CDC23: variants seen among roughly 807,000 people sequenced by gnomAD.
CDC23 encodes cell division cycle protein 23 homolog.
Under a neutral mutation model 81.7 loss-of-function variants are expected in CDC23, and 26 were observed. The observed-to-expected ratio is 0.32, with a 90% confidence interval of 0.23 to 0.44. CDC23 has a LOEUF of 0.44. Ranked by LOEUF, CDC23 falls within the 20% of genes least tolerant of loss-of-function variation. The pLI, the probability that CDC23 is intolerant of heterozygous loss-of-function variation, is 1.00. For synonymous variants in CDC23, 267 were observed against 270.8 expected (o/e 0.99, Z 0.14); for missense variants, 519 against 728.0 (o/e 0.71, Z 3.30).
At chr5:138,198,171 TA>T (rs1561635125) in intron 9 of CDC23, 27 bp downstream of exon 9, 1 of 1,501,892 alleles carries the variant, frequency 6.7e-7, no homozygotes, top group Admixed American at 1.7e-5. Context: ...ATATAAATCT[TA>T]AAAGAAAAAA....
chr5:138,193,091 G>A (rs1158968276), intron 9 of CDC23, among the ~76,000 whole-genome samples: 1 of 152,094 alleles, frequency 6.6e-6, no homozygotes, highest in Non-Finnish European at 1.5e-5. Context: ...CACCAAGCCG[G>A]GGTAATTTTT....
Position 138,195,575 on chromosome 5 carries a change from TAA to T in CDC23, c.1012+2622_1012+2623del, listed in dbSNP as rs1561633934. ...TAATTATATATAATATATTTATATA[TAA>T]TATATTATATATAATATATATTATA... is the stretch of plus-strand genomic sequence containing the variant. On this transcript the variant is annotated intron_variant, in intron 9 of 15. Transcript: ENST00000394886. Among the ~76,000 whole-genome samples, 17 of 59,670 alleles carry T rather than the reference TAA, an allele frequency of 2.8e-4. No homozygotes were observed. In the East Asian group the frequency reaches 6.9e-3, roughly 24 times the overall value. 39.1% of individuals were successfully genotyped at this position (59,670 alleles called of 152,430 possible).
chr5:138,203,123 G>A (rs1755007048), intron 3 of CDC23, among the ~76,000 whole-genome samples: 1 of 152,074 alleles, frequency 6.6e-6, no homozygotes, highest in Admixed American at 6.6e-5. Flanking sequence ...TTAACAAAAG[G>A]GAAAGATTCA....
At chr5:138,200,481 T>A (rs1754974990) in intron 6 of CDC23, among the ~76,000 whole-genome samples, 1 of 152,042 alleles carries the variant, frequency 6.6e-6, no homozygotes, top group African/African-American at 2.4e-5. Context: ...TCCTATAGCA[T>A]CTTTGGGATT....
At position 138,198,723 on chromosome 5, in the gene CDC23, G is replaced by A. The variant is rs775840651; in HGVS notation, c.714C>T (p.Tyr238=). Residue 238 remains tyrosine, a synonymous_variant, in exon 7 of 16, where the codon TAC becomes TAT. Transcript: ENST00000394886. ...WMKEFFLAHI[Y]TELQLIEEAL... Reference sequence around the variant, plus strand: ...CCTCCTCTATCAACTGCAACTCTGTGTATATATGAGCCAGAAAAAACTCTT... The same window carrying A: ...CCTCCTCTATCAACTGCAACTCTGTATATATATGAGCCAGAAAAAACTCTT... The A allele has an allele frequency of 2.5e-6, 4 of 1,614,156 alleles. No homozygotes were observed. In the South Asian group the frequency reaches 3.3e-5, roughly 13 times the overall value.
intron 13 of CDC23, 142 bp from the exon 14 acceptor site, chr5:138,190,048 T>C (rs1190029905): frequency 4.5e-6 from 3 of 667,026 alleles, no homozygotes; most frequent in Admixed American, 5.1e-5. Context: ...GGAACTAGAA[T>C]AGTATTAGAT....
chr5:138,196,365 A>G lies in CDC23; in HGVS notation c.1012+1834T>C, dbSNP rs1225200146. Among the ~76,000 whole-genome samples, 3 of 149,728 alleles carry G rather than the reference A, an allele frequency of 2.0e-5. No individual in the cohort carries two copies. In the East Asian group the frequency reaches 5.9e-4, roughly 29 times the overall value. Reference sequence around the variant, plus strand: ...GAGCACAGTGGCATGATCTTGGCTCACTGCAACCTCGGCCTCCTGGGTTCA... The same window carrying G: ...GAGCACAGTGGCATGATCTTGGCTCGCTGCAACCTCGGCCTCCTGGGTTCA... On this transcript the variant is annotated intron_variant, in intron 9 of 15. Coordinates refer to ENST00000394886, the MANE Select transcript of CDC23 (RefSeq NM_004661.4).
intron 6 of CDC23, among the ~76,000 whole-genome samples, chr5:138,200,409 G>A (rs1754973934): frequency 6.6e-6 from 1 of 152,130 alleles, no homozygotes; most frequent in South Asian, 2.1e-4. Context: ...TAGGATTACA[G>A]GCATGAGCCA....
chr5:138,201,573 C>A, intron 4 of CDC23, 125 bp from the exon 5 acceptor site: 1 of 673,148 alleles, frequency 1.5e-6, no homozygotes, highest in Non-Finnish European at 2.4e-6. Flanking sequence ...TCTCAAACTC[C>A]TGGGCTCAAG....
chr5:138,198,523 T>C lies in CDC23; in HGVS notation c.833A>G (p.Asp278Gly). Residue 278 changes from aspartate (D) to glycine (G), a missense_variant and splice_region_variant, in exon 8 of 16, where the codon GAT becomes GGT. Around this residue, in one of 4 missense-constraint regions of CDC23, gnomAD observed 180 missense variants for 239.3 expected, o/e 0.75. Coordinates refer to ENST00000394886, the MANE Select transcript of CDC23 (RefSeq NM_004661.4). ...QIAVAYHNIR[D>G]IDKALSIFNE... Reference sequence around the variant, plus strand: ...AAAAATGGAGAGGGCTTTGTCAATATCTGCAGAAAGAAGATAGTTCAGAAA... The same window carrying C: ...AAAAATGGAGAGGGCTTTGTCAATACCTGCAGAAAGAAGATAGTTCAGAAA... The C allele has an allele frequency of 1.2e-6, 2 of 1,613,984 alleles. No homozygotes were observed. The highest frequency in any genetic ancestry group is 2.2e-5 in the South Asian group (2 of 91,068).
At chr5:138,200,775 G>A (rs897041205) in intron 6 of CDC23, among the ~76,000 whole-genome samples, 13 of 152,198 alleles carry the variant, frequency 8.5e-5, no homozygotes, top group East Asian at 3.9e-4. Context: ...AGCCAAGATC[G>A]CACCACTGCA....
rs1446810084 is a variant in CDC23, at chr5:138,192,404, G to A, written c.1167-16C>T. ...AATGGCATGTCTAAGAAATGGAAAA[G>A]ACAGGTTGTTAAGAAGGCAGAATCA... On this transcript the variant is annotated splice_polypyrimidine_tract_variant and intron_variant, in intron 10 of 15. Transcript: ENST00000394886. 1 of 1,614,190 alleles carries A rather than the reference G, an allele frequency of 6.2e-7. No homozygotes were observed. The highest frequency in any genetic ancestry group is 1.1e-5 in the South Asian group (1 of 91,084).
Position 138,200,751 on chromosome 5 carries a change from C to G in CDC23, c.654+356G>C, listed in dbSNP as rs1255408433. ...AGAAGAATTGCTTGAACCTGGGAGG[C>G]AGAGGTTGCCGTGAGCCAAGATCGC... On this transcript the variant is annotated intron_variant, in intron 6 of 15. Transcript: ENST00000394886. Among the ~76,000 whole-genome samples, 7 of 152,204 alleles carry G rather than the reference C, an allele frequency of 4.6e-5. No homozygotes were observed. In the East Asian group the frequency reaches 1.4e-3, roughly 29 times the overall value.
In CDC23 at chr5:138,191,931, A is replaced by G; in HGVS notation, c.1293T>C (p.Asn431=). The change falls in exon 12 of 16, where the codon AAT becomes AAC. Residue 431 remains asparagine (N), a synonymous_variant. Transcript: ENST00000394886. ...YYRRAHQLRP[N]DSRMLVALGE... ...CTAAAGCAACCAGCATGCGAGAATC[A>G]TTGGGTCTGAGAAAGAAGAACAGGC... 1.2e-6 allele frequency: 2 copies of G among 1,614,110 alleles called. No homozygotes were observed. The highest frequency in any genetic ancestry group is 1.7e-6 in the Non-Finnish European group (2 of 1,179,954).
chr5:138,202,840 T>C (rs1254945125), intron 3 of CDC23, among the ~76,000 whole-genome samples: 2 of 152,140 alleles, frequency 1.3e-5, no homozygotes, highest in East Asian at 1.9e-4. Context: ...ATAGTAAAGA[T>C]TGCTTCAGAT....
chr5:138,190,813 G>A (rs1205523877), intron 13 of CDC23, among the ~76,000 whole-genome samples: 3 of 150,740 alleles, frequency 2.0e-5, no homozygotes, highest in African/African-American at 7.3e-5. Flanking sequence ...TAATCTGGCT[G>A]AGACCAATGA....
intron 5 of CDC23, 44 bp downstream of exon 5, chr5:138,201,299 A>T: frequency 3.7e-6 from 6 of 1,613,178 alleles, no homozygotes; most frequent in Non-Finnish European, 5.1e-6. Flanking sequence ...CTTTCTACTC[A>T]GGAGAATATG....
chr5:138,195,774 G>A (rs10035677), intron 9 of CDC23, among the ~76,000 whole-genome samples: 67,071 of 108,520 alleles, frequency 0.62, 19,275 homozygotes, highest in Non-Finnish European at 0.65. Context: ...TTATATATGT[G>A]TATATATACA....
chr5:138,202,834 T>G (rs1755003923), intron 3 of CDC23, among the ~76,000 whole-genome samples: 1 of 152,180 alleles, frequency 6.6e-6, no homozygotes, highest in Non-Finnish European at 1.5e-5. Context: ...AACATTATAG[T>G]AAAGATTGCT....
Sources: gnomAD v4.1 joint callset for allele counts (sites outside exome capture counted in the v4.1 genomes callset) on GRCh38, gnomAD v4.1.1 for gene constraint, gnomAD v4.1.1 regional missense constraint, MANE v1.5 for transcripts, NCBI Gene and HGNC (gene_info 2026-07-23, HGNC 2026-07-21) for gene names.